MSI2: variants seen among roughly 807,000 people sequenced by gnomAD.
MSI2 encodes musashi RNA binding protein 2.
A neutral mutation model predicts 45.6 loss-of-function variants in MSI2; 17 were observed. That is an observed-to-expected ratio of 0.37 (90% CI 0.26 to 0.56). MSI2 has a LOEUF of 0.56. Ranked by LOEUF, MSI2 falls within the 20% of genes least tolerant of loss-of-function variation. The pLI is 0.77. For missense variants in MSI2, 293 were observed against 444.2 expected (o/e 0.66, Z 3.06); for synonymous variants, 156 against 158.2 (o/e 0.99, Z 0.11).
chr17:57,597,013 T>TG (rs1475546252), intron 8 of MSI2, 63 bp downstream of exon 8: 2 of 1,224,512 alleles, frequency 1.6e-6, no homozygotes, highest in East Asian at 4.7e-5. Flanking sequence ...CACCCAGTCT[T>TG]GCAGACTGGT....
At chr17:57,304,274 T>C (rs1417345747) in intron 5 of MSI2, among the ~76,000 whole-genome samples, 1 of 147,816 alleles carries the variant, frequency 6.8e-6, no homozygotes, top group African/African-American at 2.5e-5. Flanking sequence ...GGAGAATCGC[T>C]TGAACCCAGG....
At chr17:57,263,738 C>G (rs1800958735) in intron 5 of MSI2, 1 of 152,248 alleles carries the variant, frequency 6.6e-6, no homozygotes, top group African/African-American at 2.4e-5. Flanking sequence ...CTTTAATACA[C>G]TCTGCAGTGA....
At chr17:57,593,798 G>A (rs535245631) in intron 7 of MSI2, among the ~76,000 whole-genome samples, 2 of 152,272 alleles carry the variant, frequency 1.3e-5, no homozygotes, top group East Asian at 3.9e-4. Flanking sequence ...GGGGGCTGGG[G>A]CAGAGGGGTG....
At chr17:57,569,527 A>G (rs146357580) in intron 7 of MSI2, among the ~76,000 whole-genome samples, 2 of 152,364 alleles carry the variant, frequency 1.3e-5, no homozygotes, top group African/African-American at 4.8e-5. Flanking sequence ...CTGAGGCTCC[A>G]AAACAGGGCA....
At chr17:57,263,815 C>T (rs1243149103) in intron 5 of MSI2, 1 of 152,236 alleles carries the variant, frequency 6.6e-6, no homozygotes, top group African/African-American at 2.4e-5. Context: ...CCTTTCCCAA[C>T]CCTCAACTCC....
intron 10 of MSI2, among the ~76,000 whole-genome samples, chr17:57,636,793 G>A (rs1909872505): frequency 6.6e-6 from 1 of 152,218 alleles, no homozygotes; most frequent in South Asian, 2.1e-4. Context: ...GCCTGGTGCA[G>A]TGCTTCTGGT....
At chr17:57,648,132 C>CGTGTGTGTGTGTGTGTGT (rs765039915) in intron 10 of MSI2, among the ~76,000 whole-genome samples, 1 of 116,252 alleles carries the variant, frequency 8.6e-6, no homozygotes, top group Non-Finnish European at 1.8e-5. Flanking sequence ...CTGGCTAATT[C>CGTGTGTGTGTGTGTGTGT]GTGTGTGTGT....
In MSI2 at chr17:57,612,433, C is replaced by A. The variant is rs1254837662; in HGVS notation, c.538-3537C>A. 4.3e-5 allele frequency among the ~76,000 whole-genome samples: 4 copies of A among 92,552 alleles called. 2 individuals carry two copies. The highest frequency in any genetic ancestry group is 1.0e-4 in the Non-Finnish European group (4 of 38,456). The allele number at this position is 92,552 out of a possible 152,430, so 60.7% of individuals were successfully genotyped here. A position where few individuals can be genotyped will look rare whatever the true frequency, so the allele number is the denominator to read the frequency against. On this transcript the variant is annotated intron_variant, in intron 8 of 13. Transcript: ENST00000284073. ...TGGTCCTGAGAAGTCTTTCAAGAGGCCTTCAGGGCAGGCAGGCCAGGTTCC... is the reference window on the plus strand; with the variant it reads ...TGGTCCTGAGAAGTCTTTCAAGAGGACTTCAGGGCAGGCAGGCCAGGTTCC...
intron 6 of MSI2, among the ~76,000 whole-genome samples, chr17:57,485,863 C>G (rs2085743044): frequency 6.6e-6 from 1 of 152,216 alleles, no homozygotes; most frequent in Non-Finnish European, 1.5e-5. Flanking sequence ...GAGGGCATCA[C>G]TAGGTGAAGC....
At chr17:57,394,216 A>G (rs1223920415) in intron 5 of MSI2, among the ~76,000 whole-genome samples, 2 of 152,182 alleles carry the variant, frequency 1.3e-5, no homozygotes, top group East Asian at 3.8e-4. Flanking sequence ...TTATGGAAAG[A>G]AAGAAGATGA....
chr17:57,494,028 C>G (rs1424644078), intron 6 of MSI2, among the ~76,000 whole-genome samples: 1 of 152,188 alleles, frequency 6.6e-6, no homozygotes, highest in Non-Finnish European at 1.5e-5. Context: ...GGTTCTGCCT[C>G]TGGTCACTCT....
At chr17:57,502,765 T>C (rs2086144667) in intron 6 of MSI2, among the ~76,000 whole-genome samples, 1 of 151,484 alleles carries the variant, frequency 6.6e-6, no homozygotes, top group South Asian at 2.1e-4. Flanking sequence ...GAGGCGCATG[T>C]GTTGGGAACC....
intron 2 of MSI2, 22 bp from the exon 3 acceptor site, chr17:57,257,444 C>CA (rs1211562671): frequency 1.7e-6 from 2 of 1,153,252 alleles, no homozygotes; most frequent in Non-Finnish European, 2.5e-6. Flanking sequence ...CCCCCCCCAT[C>CA]TCTCTCTTTC....
At chr17:57,506,522 A>T (rs2086232493) in intron 6 of MSI2, among the ~76,000 whole-genome samples, 1 of 151,944 alleles carries the variant, frequency 6.6e-6, no homozygotes, top group Admixed American at 6.5e-5. Context: ...TGTGCTCCTG[A>T]TGCCATGTTC....
intron 6 of MSI2, among the ~76,000 whole-genome samples, chr17:57,466,038 T>C (rs975007237): frequency 6.6e-6 from 1 of 152,014 alleles, no homozygotes; most frequent in Non-Finnish European, 1.5e-5. Flanking sequence ...GGGTGCACAC[T>C]CCCCCTGAGG....
At chr17:57,405,058 C>G (rs551666796) in intron 6 of MSI2, among the ~76,000 whole-genome samples, 1 of 152,010 alleles carries the variant, frequency 6.6e-6, no homozygotes, top group Non-Finnish European at 1.5e-5. Flanking sequence ...GTAGCTGTTC[C>G]GGGGTTGTCT....
At chr17:57,259,767 A>C (rs1907137815) in intron 4 of MSI2, among the ~76,000 whole-genome samples, 1 of 151,730 alleles carries the variant, frequency 6.6e-6, no homozygotes, top group African/African-American at 2.4e-5. Flanking sequence ...AAAGAGGAAA[A>C]TCTTTTCAAG....
chr17:57,536,513 T>C (rs2086923332), intron 7 of MSI2, among the ~76,000 whole-genome samples: 2 of 152,224 alleles, frequency 1.3e-5, no homozygotes, highest in Non-Finnish European at 2.9e-5. Context: ...ATTTGCTGCC[T>C]GTCTTCCCTG....
At chr17:57,433,011 T>C (rs1180786833) in intron 6 of MSI2, among the ~76,000 whole-genome samples, 2 of 152,184 alleles carry the variant, frequency 1.3e-5, no homozygotes, top group Non-Finnish European at 2.9e-5. Context: ...GCTCCCTACT[T>C]CCTGCCACAG....
Sources: allele counts gnomAD v4.1 joint callset (sites outside exome capture counted in the v4.1 genomes callset), GRCh38; gene constraint gnomAD v4.1.1; transcripts MANE v1.5; gene names NCBI Gene and HGNC (gene_info 2026-07-23, HGNC 2026-07-21).